Variants in DAB1 observed in about 807,000 individuals in gnomAD.
The protein encoded by DAB1 is disabled homolog 1.
In DAB1, 15 loss-of-function variants were observed where a neutral mutation model predicts 64.6. The observed-to-expected ratio is 0.23, with a 90% CI of 0.16 to 0.36. The LOEUF is 0.36. Ranked by LOEUF, DAB1 falls within the 10% of genes least tolerant of loss-of-function variation. The pLI is 1.00. For synonymous variants in DAB1, 235 were observed against 251.9 expected (o/e 0.93, Z 0.64); for missense variants, 596 against 706.7 (o/e 0.84, Z 1.78).
intron 2 of DAB1, among the ~76,000 whole-genome samples, chr1:57,156,790 G>A (rs1360722422): frequency 1.3e-5 from 2 of 152,148 alleles, no homozygotes; most frequent in Non-Finnish European, 2.9e-5. Context: ...TCCTAACCGG[G>A]GGAATGGCTC....
chr1:57,090,699 A>C (rs902530253), intron 4 of DAB1, among the ~76,000 whole-genome samples: 1 of 152,156 alleles, frequency 6.6e-6, no homozygotes, highest in African/African-American at 2.4e-5. Context: ...CCAAGAGATG[A>C]CAATATATTG....
At chr1:57,828,944 C>T (rs1652471656) in intron 1 of DAB1, among the ~76,000 whole-genome samples, 2 of 152,156 alleles carry the variant, frequency 1.3e-5, no homozygotes, top group South Asian at 4.1e-4. Context: ...TTCTGGTTTC[C>T]TCAAATTCCT....
chr1:57,945,082 T>C (rs543872675), intron 5 of DAB1, among the ~76,000 whole-genome samples: 2 of 152,172 alleles, frequency 1.3e-5, no homozygotes, highest in Non-Finnish European at 2.9e-5. Flanking sequence ...CCCAATCACC[T>C]TTCTGACAAC....
chr1:58,276,991 A>ACT (rs1302572770), intron 4 of DAB1, among the ~76,000 whole-genome samples: 2 of 150,586 alleles, frequency 1.3e-5, no homozygotes, highest in Non-Finnish European at 3.0e-5. Context: ...GCATTTCCTA[A>ACT]CTGCTGGTTG....
chr1:57,815,669 T>TAAA (rs542137983), intron 6 of DAB1, among the ~76,000 whole-genome samples: 2 of 130,324 alleles, frequency 1.5e-5, no homozygotes, highest in African/African-American at 2.8e-5. Flanking sequence ...TATTTTCAAC[T>TAAA]AAAAAAAAAA....
intron 5 of DAB1, among the ~76,000 whole-genome samples, chr1:57,936,391 A>C (rs1003831427): frequency 3.3e-5 from 5 of 152,062 alleles, no homozygotes; most frequent in African/African-American, 1.2e-4. Flanking sequence ...ATTGTAATCC[A>C]TATTACTTTT....
chr1:58,091,346 C>T (rs1650644681), intron 5 of DAB1, among the ~76,000 whole-genome samples: 1 of 152,192 alleles, frequency 6.6e-6, no homozygotes, highest in African/African-American at 2.4e-5. Context: ...TCTGTCTAAC[C>T]ATGGCACAGC....
chr1:58,280,725 A>T (rs1197914150), intron 4 of DAB1, among the ~76,000 whole-genome samples: 2 of 152,210 alleles, frequency 1.3e-5, no homozygotes, highest in Non-Finnish European at 2.9e-5. Flanking sequence ...GAGGAGGAGG[A>T]GGAGGCCACC....
intron 6 of DAB1, among the ~76,000 whole-genome samples, chr1:57,687,282 C>T (rs1300531667): frequency 6.6e-6 from 1 of 152,032 alleles, no homozygotes; most frequent in East Asian, 1.9e-4. Context: ...AACACAATCC[C>T]ATTTACAATA....
intron 2 of DAB1, among the ~76,000 whole-genome samples, chr1:58,512,356 A>T (rs970720103): frequency 1.3e-5 from 2 of 152,162 alleles, no homozygotes; most frequent in Admixed American, 6.6e-5. Flanking sequence ...TACTCAAAAA[A>T]TTTTTAAAAA....
intron 1 of DAB1, among the ~76,000 whole-genome samples, chr1:57,374,911 A>C (rs772409127): frequency 1.1e-4 from 16 of 152,148 alleles, no homozygotes; most frequent in Admixed American, 2.0e-4. Context: ...GAAAGTCCCT[A>C]CCTAAATTTT....
intron 7 of DAB1, among the ~76,000 whole-genome samples, chr1:57,612,299 G>T (rs1392979243): frequency 6.6e-6 from 1 of 152,014 alleles, no homozygotes; most frequent in Admixed American, 6.6e-5. Context: ...TCTCAAAGAT[G>T]TCCACATCCT....
At chr1:57,437,077 T>C (rs1341816561) in intron 7 of DAB1, among the ~76,000 whole-genome samples, 1 of 148,074 alleles carries the variant, frequency 6.8e-6, no homozygotes, top group Non-Finnish European at 1.5e-5. Context: ...CAGGAGTTAA[T>C]GAAAAGATGT....
In DAB1 at chr1:58,252,770, C is replaced by T. The variant is rs929608982; in HGVS notation, n.309+90582G>A. Among the ~76,000 whole-genome samples, 4 of 152,168 alleles carry T rather than the reference C, an allele frequency of 2.6e-5. No individual in the cohort carries two copies. The East Asian group carries it at 5.8e-4, about 22-fold the overall frequency. ...GGACCCAGGTGCTCTTGACTTTCTCCTTCTCTAAGCCCAGGTGCTTCAAAT... is the reference window on the plus strand; with the variant it reads ...GGACCCAGGTGCTCTTGACTTTCTCTTTCTCTAAGCCCAGGTGCTTCAAAT... On this transcript the variant is annotated intron_variant and non_coding_transcript_variant, in intron 4 of 20. Transcript: ENST00000485760.
intron 3 of DAB1, among the ~76,000 whole-genome samples, chr1:58,382,929 C>T (rs11207215): frequency 0.032 from 4,874 of 152,260 alleles, 253 homozygotes; most frequent in African/African-American, 0.11. Context: ...GCATTCAATT[C>T]TTCATCTATA....
intron 4 of DAB1, among the ~76,000 whole-genome samples, chr1:58,224,362 G>A (rs1659347297): frequency 6.6e-6 from 1 of 152,168 alleles, no homozygotes; most frequent in Admixed American, 6.5e-5. Flanking sequence ...AAGCTTAAAG[G>A]CAACCTCACT....
chr1:57,434,154 G>A (rs1414350370), intron 7 of DAB1, among the ~76,000 whole-genome samples: 1 of 152,042 alleles, frequency 6.6e-6, no homozygotes, highest in Admixed American at 6.6e-5. Flanking sequence ...TTACCCAAGA[G>A]AAATAAAACA....
intron 4 of DAB1, among the ~76,000 whole-genome samples, chr1:58,153,488 C>T (rs1384037790): frequency 1.3e-5 from 2 of 152,092 alleles, no homozygotes; most frequent in Admixed American, 1.3e-4. Flanking sequence ...TGCTGTTGGC[C>T]CTGCCACACA....
chr1:58,129,584 T>C (rs1175941225), intron 5 of DAB1, among the ~76,000 whole-genome samples: 8 of 140,312 alleles, frequency 5.7e-5, no homozygotes, highest in Admixed American at 4.9e-4. Context: ...TGCTTTCTCT[T>C]GTGGGCATTT....
Sources: gnomAD v4.1 joint callset for allele counts (sites outside exome capture counted in the v4.1 genomes callset) on GRCh38, gnomAD v4.1.1 for gene constraint, MANE v1.5 for transcripts, NCBI Gene and HGNC (gene_info 2026-07-23, HGNC 2026-07-21) for gene names.